Variants in PFKFB1 observed in about 807,000 individuals in gnomAD.
The protein encoded by PFKFB1 is 6-phosphofructo-2-kinase/fructose-2,6-biphosphatase 1.
A neutral mutation model predicts 46.4 loss-of-function variants in PFKFB1; 34 were observed. That is an observed-to-expected ratio of 0.73 (90% CI 0.56 to 0.98). The LOEUF is 0.98. PFKFB1 is among the 50% of genes least tolerant of loss of function. The pLI, the probability that PFKFB1 is intolerant of heterozygous loss-of-function variation, is 0.00. For synonymous variants in PFKFB1, 119 were observed against 133.8 expected (o/e 0.89, Z 0.76); for missense variants, 393 against 376.3 (o/e 1.04, Z -0.37).
chrX:54,992,122 A>G (rs191649572), intron 1 of PFKFB1, among the ~76,000 whole-genome samples: 2 of 111,220 alleles, frequency 1.8e-5, no homozygotes, highest in African/African-American at 6.6e-5. Flanking sequence ...TGTCTTGTAC[A>G]CACAGAGCCC....
At chrX:54,975,929 C>CA (rs1934827083) in intron 1 of PFKFB1, among the ~76,000 whole-genome samples, 1 of 110,943 alleles carries the variant, frequency 9.0e-6, no homozygotes, top group South Asian at 3.7e-4. Flanking sequence ...AAACCTTACC[C>CA]AAAAAATAAT....
upstream of PFKFB1, chrX:54,994,517 G>A (rs1469000215): frequency 6.6e-6 from 5 of 752,717 alleles, no homozygotes; most frequent in Non-Finnish European, 6.3e-6. Context: ...CAAGTAGAAT[G>A]TCAAGCTCCA....
chrX:54,961,987 A>G (rs748211442), intron 2 of PFKFB1, among the ~76,000 whole-genome samples: 1 of 111,540 alleles, frequency 9.0e-6, no homozygotes, highest in African/African-American at 3.3e-5. Context: ...GAAGGGGCCA[A>G]TTGTGGAGGG....
In PFKFB1 at chrX:54,933,747, C is replaced by G. The variant is rs924708272; in HGVS notation, c.1356+74G>C. 68 of 944,866 alleles carry G rather than the reference C, an allele frequency of 7.2e-5. No individual in the cohort carries two copies. In the African/African-American group the frequency reaches 8.6e-4, roughly 12 times the overall value. 77.9% of individuals were successfully genotyped at this position (944,866 alleles called of 1,213,427 possible). On this transcript the variant is annotated intron_variant, in intron 13 of 13. Transcript: ENST00000375006. ...CCCAGGCTTGGTGGGGTTGGGGCAG[C>G]CTTTCTGTGGATAAGGTGCTTTCAC...
intron 1 of PFKFB1, among the ~76,000 whole-genome samples, chrX:54,965,751 AT>A (rs1200060368): frequency 1.8e-5 from 2 of 111,833 alleles, no homozygotes; most frequent in Non-Finnish European, 3.8e-5. Flanking sequence ...TGTAAAAAAA[AT>A]AATGGAATAC....
At chrX:54,947,465 C>T (rs1181900099) in intron 9 of PFKFB1, among the ~76,000 whole-genome samples, 1 of 112,028 alleles carries the variant, frequency 8.9e-6, no homozygotes, top group African/African-American at 3.2e-5. Flanking sequence ...AGCCACCAAA[C>T]TTATGATGAA....
At chrX:54,988,453 T>C (rs1935160105) in intron 1 of PFKFB1, among the ~76,000 whole-genome samples, 1 of 111,801 alleles carries the variant, frequency 8.9e-6, no homozygotes, top group Admixed American at 9.5e-5. Flanking sequence ...TTCAGCTTAA[T>C]TCTTTGCAGA....
upstream of PFKFB1, chrX:54,994,578 A>G (rs1322071032): frequency 6.6e-6 from 5 of 752,674 alleles, no homozygotes; most frequent in East Asian, 7.6e-4. Context: ...AAGGACAAAA[A>G]CACAAACACA....
intron 7 of PFKFB1, among the ~76,000 whole-genome samples, chrX:54,954,579 T>C (rs932034010): frequency 1.8e-5 from 2 of 112,285 alleles, no homozygotes; most frequent in East Asian, 5.6e-4. Context: ...TTGGTAGCCC[T>C]TATCTTGCTG....
At chrX:54,984,978 C>T (rs772526602) in intron 1 of PFKFB1, among the ~76,000 whole-genome samples, 38 of 110,904 alleles carry the variant, frequency 3.4e-4, no homozygotes, top group African/African-American at 1.2e-3. Flanking sequence ...GCTGCTGTCT[C>T]GCCCAGCACC....
intron 8 of PFKFB1, 23 bp from the exon 9 acceptor site, chrX:54,949,244 A>G: frequency 8.6e-7 from 1 of 1,161,990 alleles, no homozygotes; most frequent in Non-Finnish European, 1.2e-6. Context: ...GATGCAGAGG[A>G]GGAGAGAAGG....
chrX:54,984,072 A>T (rs976860074), intron 1 of PFKFB1, among the ~76,000 whole-genome samples: 7 of 111,456 alleles, frequency 6.3e-5, no homozygotes, highest in Non-Finnish European at 1.3e-4. Flanking sequence ...TATAAAGCAA[A>T]CAAAAACTAT....
In PFKFB1 at chrX:54,973,373, C is replaced by G. The variant is rs771811380; in HGVS notation, c.98-9991G>C. Among the ~76,000 whole-genome samples the G allele has an allele frequency of 3.6e-5, 4 of 110,807 alleles. No homozygotes were observed. The East Asian group carries it at 1.1e-3, about 32-fold the overall frequency. On this transcript the variant is annotated intron_variant, in intron 1 of 13. Coordinates refer to ENST00000375006, the MANE Select transcript of PFKFB1 (RefSeq NM_002625.4). ...TGCTCTGATCTTAGTTATTTCTTGC[C>G]TTCTGCTAGCTTTTGAATGTGTTTG...
At position 54,991,835 on chromosome X, in the gene PFKFB1, G is replaced by T. The variant is rs767812403; in HGVS notation, c.97+2076C>A. ...TACAACTGCTTGCAACGATAAAATG[G>T]GTGGTTCGCATAAACATAATGTTGG... is the stretch of plus-strand genomic sequence containing the variant. On this transcript the variant is annotated intron_variant, in intron 1 of 13. Transcript: ENST00000375006. Among the ~76,000 whole-genome samples the T allele has an allele frequency of 2.7e-5, 3 of 111,557 alleles. No homozygotes were observed. In the East Asian group the frequency reaches 8.4e-4, roughly 31 times the overall value.
intron 1 of PFKFB1, among the ~76,000 whole-genome samples, chrX:54,971,223 G>C (rs1244064309): frequency 1.3e-4 from 9 of 69,326 alleles, no homozygotes; most frequent in African/African-American, 1.7e-4. Context: ...GTTCATTGTA[G>C]ATTCTGGATA....
upstream of PFKFB1, among the ~76,000 whole-genome samples, chrX:54,996,269 T>C (rs1393264224): frequency 8.9e-6 from 1 of 112,484 alleles, no homozygotes; most frequent in East Asian, 2.8e-4. Flanking sequence ...CCTTTCCCTG[T>C]ATGTTTTCCA....
At chrX:54,965,546 T>C (rs1281877399) in intron 1 of PFKFB1, among the ~76,000 whole-genome samples, 2 of 111,558 alleles carry the variant, frequency 1.8e-5, no homozygotes, top group Non-Finnish European at 3.8e-5. Flanking sequence ...TGTCTTACAG[T>C]CTAAATATTA....
chrX:54,998,242 C>T (rs1935384393), upstream of PFKFB1, among the ~76,000 whole-genome samples: 1 of 112,172 alleles, frequency 8.9e-6, no homozygotes, highest in Non-Finnish European at 1.9e-5. Context: ...AATATACAGA[C>T]AGATAAATAG....
At chrX:54,946,021 G>C (rs763604404) in intron 9 of PFKFB1, among the ~76,000 whole-genome samples, 2 of 110,413 alleles carry the variant, frequency 1.8e-5, no homozygotes, top group Non-Finnish European at 3.8e-5. Flanking sequence ...GCGTGTGTGT[G>C]TGTATGTGTG....
Sources: allele counts gnomAD v4.1 joint callset (sites outside exome capture counted in the v4.1 genomes callset), GRCh38; gene constraint gnomAD v4.1.1; transcripts MANE v1.5; gene names NCBI Gene and HGNC (gene_info 2026-07-23, HGNC 2026-07-21).